Variants in RBFOX1 observed in about 807,000 individuals in gnomAD.
The protein encoded by RBFOX1 is RNA binding protein fox-1 homolog 1.
In RBFOX1, 8 loss-of-function variants were observed where a neutral mutation model predicts 57.7. The ratio of observed to expected loss-of-function variants is 0.14; its 90% CI spans 0.08 to 0.25. The LOEUF (loss-of-function observed/expected upper bound fraction) is 0.25, where lower values mean the gene tolerates loss of function less well. Among genes scored for constraint, RBFOX1 ranks in the 10% least tolerant of loss-of-function variants. The probability of loss-of-function intolerance (pLI) is 1.00; values close to 1 mark genes in which losing one functional copy is unlikely to be tolerated. For synonymous variants in RBFOX1, 326 were observed against 222.4 expected (o/e 1.47, Z -4.15); for missense variants, 611 against 548.5 (o/e 1.11, Z -1.14).
At chr16:6,135,651 A>T (rs755373651) in intron 1 of RBFOX1, among the ~76,000 whole-genome samples, 15 of 152,180 alleles carry the variant, frequency 9.9e-5, no homozygotes, top group Non-Finnish European at 1.5e-4. Context: ...TCTGAAAAAA[A>T]ACCATGAACA....
At chr16:6,873,866 G>C (rs1293219209) in intron 3 of RBFOX1, 3 of 152,160 alleles carry the variant, frequency 2.0e-5, no homozygotes, top group Non-Finnish European at 4.4e-5. Context: ...AAGTCAGACA[G>C]CTAGGAAGCA....
intron 3 of RBFOX1, among the ~76,000 whole-genome samples, chr16:6,770,676 C>T (rs911876444): frequency 3.0e-4 from 45 of 152,058 alleles, no homozygotes; most frequent in African/African-American, 1.0e-3. Context: ...GAAGAGTCCA[C>T]AAAGTTCTCC....
At chr16:6,060,349 A>G (rs755825299) in intron 1 of RBFOX1, among the ~76,000 whole-genome samples, 2 of 152,002 alleles carry the variant, frequency 1.3e-5, no homozygotes, top group Non-Finnish European at 1.5e-5. Context: ...TTACAGTGAG[A>G]TTTAAATGAG....
At chr16:6,499,780 G>C (rs1006399606) in intron 2 of RBFOX1, among the ~76,000 whole-genome samples, 8 of 152,124 alleles carry the variant, frequency 5.3e-5, no homozygotes, top group African/African-American at 1.9e-4. Context: ...CTCCATTTAT[G>C]GTTTGTGTCC....
intron 2 of RBFOX1, among the ~76,000 whole-genome samples, chr16:6,524,288 C>A (rs2153807779): frequency 6.6e-6 from 1 of 152,284 alleles, no homozygotes; most frequent in African/African-American, 2.4e-5. Flanking sequence ...ACACAATGAT[C>A]TCCAGTTCAT....
At chr16:6,298,442 C>G (rs1218084412) in intron 1 of RBFOX1, among the ~76,000 whole-genome samples, 1 of 152,182 alleles carries the variant, frequency 6.6e-6, no homozygotes, top group South Asian at 2.1e-4. Context: ...ACATAAAAAA[C>G]AATCATCAAT....
At chr16:7,077,506 A>T (rs2058493807) in intron 4 of RBFOX1, among the ~76,000 whole-genome samples, 1 of 152,196 alleles carries the variant, frequency 6.6e-6, no homozygotes, top group Non-Finnish European at 1.5e-5. Flanking sequence ...AACATGGACT[A>T]ATGGGGATAT....
chr16:5,745,053 C>A (rs575988288), intron 3 of RBFOX1, among the ~76,000 whole-genome samples: 2 of 152,260 alleles, frequency 1.3e-5, no homozygotes, highest in South Asian at 4.1e-4. Context: ...ATTAACTTGT[C>A]ATTTACATTA....
intron 3 of RBFOX1, among the ~76,000 whole-genome samples, chr16:6,888,302 T>C (rs2064605108): frequency 6.6e-6 from 1 of 152,220 alleles, no homozygotes; most frequent in South Asian, 2.1e-4. Flanking sequence ...GTCCTGCTCT[T>C]GAAAGTAGTT....
At chr16:7,319,871 G>A (rs2096514023) in intron 4 of RBFOX1, among the ~76,000 whole-genome samples, 1 of 152,116 alleles carries the variant, frequency 6.6e-6, no homozygotes, top group South Asian at 2.1e-4. Context: ...GGGCTATTAT[G>A]AGTACCAATA....
chr16:6,889,448 G>A (rs753499618), intron 3 of RBFOX1, among the ~76,000 whole-genome samples: 8 of 152,232 alleles, frequency 5.3e-5, no homozygotes, highest in Non-Finnish European at 7.3e-5. Context: ...ACGTGGAACA[G>A]ATAACTTTGA....
chr16:7,189,998 A>G (rs553665893), intron 4 of RBFOX1, among the ~76,000 whole-genome samples: 14 of 152,306 alleles, frequency 9.2e-5, no homozygotes, highest in Admixed American at 6.5e-4. Flanking sequence ...AAATCCCAAG[A>G]CTTATTAGAA....
intron 3 of RBFOX1, among the ~76,000 whole-genome samples, chr16:5,654,465 G>C (rs1223955713): frequency 6.6e-6 from 1 of 152,158 alleles, no homozygotes; most frequent in Non-Finnish European, 1.5e-5. Flanking sequence ...GGTTGGGAAG[G>C]AACGTTCTCA....
chr16:7,217,915 TGTGAGTGTAGGTGTGTG>T (rs2092357878), intron 4 of RBFOX1, among the ~76,000 whole-genome samples: 4 of 151,728 alleles, frequency 2.6e-5, no homozygotes, highest in South Asian at 2.1e-4. Flanking sequence ...CATGTGTGTG[TGTGAGTGTAGGTGTGTG>T]CGTGCATGTG....
chr16:7,517,724 T>G lies in RBFOX1; in HGVS notation c.28-423T>G, dbSNP rs548311325. Among the ~76,000 whole-genome samples, 8 of 152,014 alleles carry G rather than the reference T, an allele frequency of 5.3e-5. No individual in the cohort carries two copies. The East Asian group carries it at 1.6e-3, about 30-fold the overall frequency. On this transcript the variant is annotated intron_variant, in intron 4 of 15. Transcript: ENST00000550418. ...AAGAACACACACGTTCAATTTAGTC[T>G]CTCTTGGCACTTTAAGTATCAAATC...
At chr16:5,873,223 C>T (rs114454674) in intron 4 of RBFOX1, among the ~76,000 whole-genome samples, 3 of 152,166 alleles carry the variant, frequency 2.0e-5, no homozygotes, top group Admixed American at 6.5e-5. Flanking sequence ...TAGGAATCAT[C>T]GAGACCTGTT....
At chr16:6,318,083 T>C (rs1214535180) in intron 2 of RBFOX1, among the ~76,000 whole-genome samples, 1 of 152,162 alleles carries the variant, frequency 6.6e-6, no homozygotes, top group Non-Finnish European at 1.5e-5. Context: ...CAGGACTCTT[T>C]CTATTGTCTT....
intron 11 of RBFOX1, among the ~76,000 whole-genome samples, chr16:7,645,887 C>T (rs564040877): frequency 5.9e-5 from 9 of 151,546 alleles, no homozygotes; most frequent in South Asian, 2.1e-4. Flanking sequence ...ATTAAGTGGC[C>T]GTTTTGGTCT....
chr16:6,801,663 C>A (rs1402458297), intron 3 of RBFOX1, among the ~76,000 whole-genome samples: 2 of 151,898 alleles, frequency 1.3e-5, no homozygotes, highest in Non-Finnish European at 2.9e-5. Flanking sequence ...CTGGACCAAA[C>A]TGAGGGTCAC....
Sources: gnomAD v4.1 joint callset for allele counts (sites outside exome capture counted in the v4.1 genomes callset) on GRCh38, gnomAD v4.1.1 for gene constraint, MANE v1.5 for transcripts, NCBI Gene and HGNC (gene_info 2026-07-23, HGNC 2026-07-21) for gene names.